LRRC37A2: variants seen among roughly 807,000 people sequenced by gnomAD.
The protein encoded by LRRC37A2 is leucine-rich repeat-containing protein 37A2.
A neutral mutation model predicts 68.8 loss-of-function variants in LRRC37A2; 9 were observed. The observed-to-expected ratio is 0.13, with a 90% CI of 0.08 to 0.23. LRRC37A2 has a LOEUF of 0.23. LRRC37A2 is among the 10% of genes least tolerant of loss of function. The probability of loss-of-function intolerance (pLI) is 1.00; values close to 1 mark genes in which losing one functional copy is unlikely to be tolerated. For missense variants in LRRC37A2, 168 were observed against 950.4 expected, an observed-to-expected ratio of 0.18 and a Z score of 10.82; for synonymous variants, 63 against 367.6, an observed-to-expected ratio of 0.17 and a Z score of 9.48.
chr17:46,774,506 T>C, the LRRC37A2 span, among the ~76,000 whole-genome samples: 1 of 152,340 alleles, frequency 6.6e-6, no homozygotes, highest in Admixed American at 6.5e-5. Context: ...TGACCATCTT[T>C]CCAGTTTCCT....
At chr17:46,544,878 G>A (rs2056046458) in intron 8 of LRRC37A2, among the ~76,000 whole-genome samples, 2 of 135,654 alleles carry the variant, frequency 1.5e-5, no homozygotes, top group Non-Finnish European at 3.1e-5. Context: ...TGCATGTCAT[G>A]TCTTCATTTC....
the LRRC37A2 span, among the ~76,000 whole-genome samples, chr17:46,918,587 T>C: frequency 7.1e-6 from 1 of 141,238 alleles, no homozygotes; most frequent in Admixed American, 7.3e-5. Flanking sequence ...GATAGAGATA[T>C]AGCAGGCAGA....
the LRRC37A2 span, among the ~76,000 whole-genome samples, chr17:46,742,498 G>C: frequency 6.6e-6 from 1 of 152,206 alleles, no homozygotes; most frequent in Admixed American, 6.5e-5. Context: ...GAACTAGCAA[G>C]AAATACAGTA....
the LRRC37A2 span, among the ~76,000 whole-genome samples, chr17:46,991,117 T>G: frequency 1.2e-4 from 18 of 152,188 alleles, no homozygotes; most frequent in African/African-American, 4.3e-4. Flanking sequence ...AAACTTTGAT[T>G]TGAATGTCAC....
At chr17:46,913,045 C>T in the LRRC37A2 span, among the ~76,000 whole-genome samples, 1 of 152,194 alleles carries the variant, frequency 6.6e-6, no homozygotes, top group Non-Finnish European at 1.5e-5. Flanking sequence ...GATGGGAGCA[C>T]AGAACGAGCC....
chr17:46,741,258 C>T, the LRRC37A2 span, among the ~76,000 whole-genome samples: 1 of 152,170 alleles, frequency 6.6e-6, no homozygotes, highest in Non-Finnish European at 1.5e-5. Flanking sequence ...TCTTTAAGAG[C>T]TGCTCCCAAT....
the LRRC37A2 span, among the ~76,000 whole-genome samples, chr17:46,996,659 C>G: frequency 6.6e-6 from 1 of 152,184 alleles, no homozygotes; most frequent in Non-Finnish European, 1.5e-5. Flanking sequence ...TTATTAATTT[C>G]TTTAGAGACA....
chr17:46,731,606 G>C, the LRRC37A2 span, among the ~76,000 whole-genome samples: 1 of 152,150 alleles, frequency 6.6e-6, no homozygotes, highest in East Asian at 1.9e-4. Context: ...ACGTGGCCCA[G>C]CTTGGGAGAA....
intron 2 of LRRC37A2, 140 bp from the exon 2 acceptor site, chr17:46,517,222 A>G (rs2051507599): frequency 1.3e-6 from 1 of 797,558 alleles, no homozygotes; most frequent in Admixed American, 2.6e-5. Flanking sequence ...GCAAACTGGG[A>G]AGCTGATAGC....
chr17:46,801,410 A>G, the LRRC37A2 span, among the ~76,000 whole-genome samples: 4 of 149,748 alleles, frequency 2.7e-5, no homozygotes, highest in Non-Finnish European at 6.0e-5. Flanking sequence ...ACCTGAGGTC[A>G]GGAGCTGGAG....
the LRRC37A2 span, among the ~76,000 whole-genome samples, chr17:46,767,029 T>C: frequency 6.6e-6 from 1 of 152,104 alleles, no homozygotes; most frequent in Non-Finnish European, 1.5e-5. Context: ...CAGGGCCTAA[T>C]TCCAACACCC....
chr17:46,720,583 C>T, the LRRC37A2 span, among the ~76,000 whole-genome samples: 10 of 152,244 alleles, frequency 6.6e-5, no homozygotes, highest in Non-Finnish European at 1.2e-4. Context: ...TTTTTAGAAA[C>T]GAGATTATTA....
chr17:46,791,269 A>C, the LRRC37A2 span, among the ~76,000 whole-genome samples: 2 of 151,424 alleles, frequency 1.3e-5, no homozygotes, highest in African/African-American at 4.9e-5. Flanking sequence ...GCTGTAGTGC[A>C]GTGGCGTGAT....
the LRRC37A2 span, among the ~76,000 whole-genome samples, chr17:46,760,534 C>T: frequency 2.0e-5 from 3 of 147,616 alleles, no homozygotes; most frequent in Admixed American, 2.0e-4. Context: ...ACACGGGAGC[C>T]TGAGGTAGGA....
chr17:46,950,787 A>T, the LRRC37A2 span, among the ~76,000 whole-genome samples: 1 of 152,222 alleles, frequency 6.6e-6, no homozygotes, highest in Admixed American at 6.5e-5. Context: ...GGCTGATGAG[A>T]TCAAAACTGT....
chr17:46,495,040 C>T, the LRRC37A2 span, among the ~76,000 whole-genome samples: 1 of 148,626 alleles, frequency 6.7e-6, no homozygotes, highest in African/African-American at 2.6e-5. Flanking sequence ...TTCTTAATCT[C>T]TCATATATGA....
chr17:46,956,049 G>A, the LRRC37A2 span, among the ~76,000 whole-genome samples: 3 of 152,144 alleles, frequency 2.0e-5, no homozygotes, highest in Non-Finnish European at 4.4e-5. Flanking sequence ...AGGAAGATAC[G>A]GAGTCTGAAC....
At chr17:46,404,685 C>T in the LRRC37A2 span, among the ~76,000 whole-genome samples, 10 of 105,534 alleles carry the variant, frequency 9.5e-5, 1 homozygote, top group Non-Finnish European at 1.3e-4. Context: ...CTGGCTAACA[C>T]GGTGAAACCC....
At chr17:46,851,685 C>G in the LRRC37A2 span, 1 of 1,308,696 alleles carries the variant, frequency 7.6e-7, no homozygotes, top group Non-Finnish European at 9.7e-7. This position sits in a 1 kb window ranked among gnomAD's most constrained non-coding sequence, Gnocchi z 4.3. Context: ...TGCCTGCTGG[C>G]GCTGCCCGCC....
Sources: gnomAD v4.1 joint callset for allele counts (sites outside exome capture counted in the v4.1 genomes callset) on GRCh38, gnomAD v4.1.1 for gene constraint, Gnocchi (gnomAD v3.1) non-coding constraint, MANE v1.5 for transcripts, NCBI Gene and HGNC (gene_info 2026-07-23, HGNC 2026-07-21) for gene names.